KIF3A: variants seen among roughly 807,000 people sequenced by gnomAD.
The protein encoded by KIF3A is kinesin-like protein KIF3A.
A neutral mutation model predicts 92.6 loss-of-function variants in KIF3A; 27 were observed. That is an observed-to-expected ratio of 0.29 (90% CI 0.21 to 0.40). The LOEUF is 0.40. Among genes scored for constraint, KIF3A ranks in the 10% least tolerant of loss-of-function variants. The probability of loss-of-function intolerance (pLI) is 1.00; values close to 1 mark genes in which losing one functional copy is unlikely to be tolerated. For synonymous variants in KIF3A, 250 were observed against 275.4 expected, an observed-to-expected ratio of 0.91 and a Z score of 0.92; for missense variants, 581 against 872.6, an observed-to-expected ratio of 0.67 and a Z score of 4.21.
At chr5:132,734,067 A>G in intron 2 of KIF3A, 138 bp downstream of exon 2, 1 of 722,876 alleles carries the variant, frequency 1.4e-6, no homozygotes, top group Non-Finnish European at 2.2e-6. Context: ...GGGTGTTCTA[A>G]AGCTGGATTG....
intron 1 of KIF3A, among the ~76,000 whole-genome samples, chr5:132,736,483 A>G (rs1754392502): frequency 6.6e-6 from 1 of 152,240 alleles, no homozygotes; most frequent in African/African-American, 2.4e-5. Context: ...CCTCTGCCCA[A>G]GAAGGCAAGC....
chr5:132,716,103 AC>A, intron 7 of KIF3A, 141 bp downstream of exon 7: 1 of 841,316 alleles, frequency 1.2e-6, no homozygotes, highest in East Asian at 2.6e-5. Context: ...GGGCTAATAC[AC>A]GAGTGTACCA....
chr5:132,721,491 T>G (rs1257269110), intron 4 of KIF3A: 2 of 152,150 alleles, frequency 1.3e-5, no homozygotes, highest in African/African-American at 4.8e-5. Flanking sequence ...GAAAAGCCAT[T>G]CCACGGGTAG....
At chr5:132,721,866 C>G (rs1753836585) in intron 4 of KIF3A, among the ~76,000 whole-genome samples, 1 of 152,244 alleles carries the variant, frequency 6.6e-6, no homozygotes, top group Non-Finnish European at 1.5e-5. Flanking sequence ...GAGAAGGGCG[C>G]TTTCATGAAT....
chr5:132,734,155 G>T (rs9784600), intron 2 of KIF3A, 50 bp downstream of exon 2: 288,358 of 1,403,608 alleles, frequency 0.21, 44,984 homozygotes, highest in East Asian at 0.71. Flanking sequence ...TTATGGCACA[G>T]TAATTATGTC....
intron 1 of KIF3A, among the ~76,000 whole-genome samples, chr5:132,735,273 T>G (rs1754353144): frequency 1.3e-5 from 2 of 152,048 alleles, no homozygotes; most frequent in Admixed American, 6.5e-5. Context: ...CGGAATTTCA[T>G]CATGTTGGCC....
chr5:132,702,694 G>C (rs1343674961), intron 13 of KIF3A, 26 bp from the exon 14 acceptor site: 16 of 1,489,382 alleles, frequency 1.1e-5, no homozygotes, highest in African/African-American at 1.4e-5. Context: ...GTAAACTTCA[G>C]AATAAATTTC....
chr5:132,707,130 CT>C (rs796197058), intron 10 of KIF3A, among the ~76,000 whole-genome samples: 1,630 of 143,706 alleles, frequency 0.011, 20 homozygotes, highest in African/African-American at 0.03. Context: ...GGATTAAGGG[CT>C]TTTTTTTTTT....
intron 1 of KIF3A, 39 bp from the exon 2 acceptor site, chr5:132,734,517 T>C: frequency 3.9e-6 from 6 of 1,545,870 alleles, no homozygotes; most frequent in Non-Finnish European, 4.4e-6. Context: ...AAAAGAACAT[T>C]AATTTTTACC....
rs1040169943 is a variant in KIF3A at position 132,737,530 on chromosome 5, C to G, written c.-111G>C. On this transcript the variant is annotated 5_prime_UTR_variant, in exon 1 of 19. Coordinates refer to ENST00000403231, the MANE Select transcript of KIF3A (RefSeq NM_001300791.2). ...TACCGAAACACCTCGTTGACGCTCT[C>G]GAGACTGCGGCTTCTCGGGCGAGAG... 10 of 1,289,748 alleles carry G rather than the reference C, an allele frequency of 7.8e-6. No homozygotes were observed. The highest frequency in any genetic ancestry group is 1.5e-5 in the African/African-American group (1 of 64,950). 79.9% of individuals were successfully genotyped at this position (1,289,748 alleles called of 1,614,324 possible). A position where few individuals can be genotyped will look rare whatever the true frequency, so the allele number is the denominator to read the frequency against.
At chr5:132,692,064 T>A (rs1209305002), downstream of KIF3A, among the ~76,000 whole-genome samples, 1 of 152,142 alleles carries the variant, frequency 6.6e-6, no homozygotes, top group Non-Finnish European at 1.5e-5. Context: ...GTGGTACATA[T>A]ACACCATGGA....
intron 2 of KIF3A, among the ~76,000 whole-genome samples, chr5:132,732,410 C>A (rs1754262265): frequency 6.6e-6 from 1 of 152,160 alleles, no homozygotes; most frequent in Non-Finnish European, 1.5e-5. Context: ...GTAGAAACAA[C>A]AAATGTTCAC....
chr5:132,735,666 TAACTA>T (rs1754368099), intron 1 of KIF3A, among the ~76,000 whole-genome samples: 1 of 152,240 alleles, frequency 6.6e-6, no homozygotes, highest in Non-Finnish European at 1.5e-5. Context: ...TACTGCCTCC[TAACTA>T]TACTCCTGAA....
At chr5:132,724,820 T>TTAAA (rs1753974836) in intron 4 of KIF3A, among the ~76,000 whole-genome samples, 1 of 13,708 alleles carries the variant, frequency 7.3e-5, no homozygotes, top group African/African-American at 1.4e-4. Context: ...TATATATATA[T>TTAAA]ATATATATAT....
chr5:132,702,773 A>C (rs1372103764), intron 13 of KIF3A, 105 bp from the exon 14 acceptor site: 6 of 1,298,112 alleles, frequency 4.6e-6, no homozygotes, highest in Non-Finnish European at 4.4e-6. Flanking sequence ...TCTTCAAAGC[A>C]ATCCATAAAT....
In KIF3A at chr5:132,737,531, G is replaced by C. The variant is rs974199780; in HGVS notation, c.-112C>G. On this transcript the variant is annotated 5_prime_UTR_variant, in exon 1 of 19. Transcript: ENST00000403231. ...ACCGAAACACCTCGTTGACGCTCTCGAGACTGCGGCTTCTCGGGCGAGAGC... is the reference window on the plus strand; with the variant it reads ...ACCGAAACACCTCGTTGACGCTCTCCAGACTGCGGCTTCTCGGGCGAGAGC... 2.1e-5 allele frequency: 27 copies of C among 1,278,658 alleles called. No individual in the cohort carries two copies. The highest frequency in any genetic ancestry group is 1.0e-4 in the Admixed American group (4 of 40,186). The allele number at this position is 1,278,658 out of a possible 1,614,324, so 79.2% of individuals were successfully genotyped here.
intron 8 of KIF3A, among the ~76,000 whole-genome samples, chr5:132,712,171 T>A (rs559558404): frequency 6.6e-6 from 1 of 152,208 alleles, no homozygotes; most frequent in Non-Finnish European, 1.5e-5. Context: ...GCACAGCTAG[T>A]GCCCAAAACT....
intron 8 of KIF3A, among the ~76,000 whole-genome samples, chr5:132,714,203 G>A (rs1490877799): frequency 6.6e-6 from 1 of 151,886 alleles, no homozygotes; most frequent in Non-Finnish European, 1.5e-5. Context: ...CACCAATTCC[G>A]CTTTCGTAAG....
At chr5:132,708,522 A>C (rs1753304014) in intron 10 of KIF3A, among the ~76,000 whole-genome samples, 1 of 152,186 alleles carries the variant, frequency 6.6e-6, no homozygotes, top group Admixed American at 6.5e-5. Context: ...CTTCAAATAT[A>C]ATTTGTACTT....
Sources: allele counts gnomAD v4.1 joint callset (sites outside exome capture counted in the v4.1 genomes callset), GRCh38; gene constraint gnomAD v4.1.1; transcripts MANE v1.5; gene names NCBI Gene and HGNC (gene_info 2026-07-23, HGNC 2026-07-21).